The following WWC2 variants were observed in gnomAD, a reference collection of about 807,000 sequenced individuals.
The protein encoded by WWC2 is WW and C2 domain containing 2, also known as protein WWC2.
A neutral mutation model predicts 138.5 loss-of-function variants in WWC2; 101 were observed. The observed-to-expected ratio is 0.73, with a 90% confidence interval of 0.62 to 0.86. The LOEUF (loss-of-function observed/expected upper bound fraction) is 0.86, where lower values mean the gene tolerates loss of function less well. Ranked by LOEUF, WWC2 falls within the 40% of genes least tolerant of loss-of-function variation. WWC2 has a pLI of 0.00. For missense variants in WWC2, 1,420 were observed against 1,419.4 expected (o/e 1.00, Z -0.01); for synonymous variants, 558 against 538.4 (o/e 1.04, Z -0.50).
intron 1 of WWC2, among the ~76,000 whole-genome samples, chr4:183,172,557 T>G (rs922754036): frequency 1.7e-3 from 144 of 85,206 alleles, no homozygotes; most frequent in African/African-American, 4.7e-3. Flanking sequence ...ATGTTTCTTG[T>G]TTTTTTTTTT....
At chr4:183,264,782 A>G (rs961865222) in intron 11 of WWC2, among the ~76,000 whole-genome samples, 196 bp from the exon 12 acceptor site, 11 of 152,224 alleles carry the variant, frequency 7.2e-5, no homozygotes, top group African/African-American at 2.7e-4. Flanking sequence ...TAATGACTGA[A>G]AAAACTGGCG....
chr4:183,130,406 T>A (rs1275558059), intron 1 of WWC2, among the ~76,000 whole-genome samples: 1 of 152,226 alleles, frequency 6.6e-6, no homozygotes. Flanking sequence ...GTTTTTATGC[T>A]AAACAAAAGG....
At chr4:183,165,777 T>C (rs564212193) in intron 1 of WWC2, among the ~76,000 whole-genome samples, 72 of 152,324 alleles carry the variant, frequency 4.7e-4, no homozygotes, top group African/African-American at 1.7e-3. Context: ...ATCCAAATCT[T>C]ACATTGTGGA....
intron 22 of WWC2, among the ~76,000 whole-genome samples, chr4:183,314,266 G>A (rs1739360906): frequency 6.6e-6 from 1 of 152,170 alleles, no homozygotes; most frequent in Non-Finnish European, 1.5e-5. Flanking sequence ...GGTGAGGGGA[G>A]CCCATCCATG....
intron 21 of WWC2, among the ~76,000 whole-genome samples, chr4:183,306,269 A>G (rs946417883): frequency 1.3e-5 from 2 of 152,240 alleles, no homozygotes; most frequent in African/African-American, 4.8e-5. Context: ...ATTGGTAGAT[A>G]TTATTCCAGC....
At chr4:183,142,720 T>C (rs1174668000) in intron 1 of WWC2, among the ~76,000 whole-genome samples, 3 of 152,226 alleles carry the variant, frequency 2.0e-5, no homozygotes, top group African/African-American at 7.2e-5. Context: ...GGCACACTCC[T>C]GGCTTGCACC....
At chr4:183,211,402 A>C (rs1307233958) in intron 4 of WWC2, among the ~76,000 whole-genome samples, 1 of 152,180 alleles carries the variant, frequency 6.6e-6, no homozygotes, top group African/African-American at 2.4e-5. Flanking sequence ...CTGCACATTA[A>C]TGTGTAATTT....
At chr4:183,300,910 A>G (rs1738814414) in intron 21 of WWC2, among the ~76,000 whole-genome samples, 1 of 152,176 alleles carries the variant, frequency 6.6e-6, no homozygotes, top group Non-Finnish European at 1.5e-5. Context: ...TTCCTGTGGA[A>G]GGTGGCAAAG....
intron 15 of WWC2, chr4:183,269,617 C>T (rs757786356): frequency 1.2e-5 from 5 of 401,774 alleles, no homozygotes; most frequent in Admixed American, 3.0e-5. Flanking sequence ...ATATATTCAA[C>T]GGTCATACAA....
At chr4:183,193,800 G>C in intron 2 of WWC2, 92 bp downstream of exon 2, 1 of 1,134,434 alleles carries the variant, frequency 8.8e-7, no homozygotes, top group Non-Finnish European at 1.3e-6. Context: ...GTTACAAAGT[G>C]AATTTCCAAA....
rs544381198 is a variant in WWC2 at position 183,124,476 on chromosome 4, C to T, written c.131+24854C>T. ...TTGATACAAATGACTCTTTCTAATT[C>T]GGTACTTTATGCTTTTGTTTTTAGT... is the stretch of plus-strand genomic sequence containing the variant. On this transcript the variant is annotated intron_variant, in intron 1 of 22. Transcript: ENST00000403733. 2.6e-4 allele frequency among the ~76,000 whole-genome samples: 39 copies of T among 149,090 alleles called. No homozygotes were observed. In the South Asian group the frequency reaches 7.1e-3, roughly 27 times the overall value.
intron 4 of WWC2, among the ~76,000 whole-genome samples, chr4:183,233,184 C>CTTGCTCTTG (rs1347646974): frequency 1.3e-5 from 1 of 75,388 alleles, no homozygotes; most frequent in Non-Finnish European, 2.3e-5. Flanking sequence ...TGAGAGAAGT[C>CTTGCTCTTG]TTGCTCTTGT....
intron 5 of WWC2, among the ~76,000 whole-genome samples, chr4:183,241,935 C>T (rs549528400): frequency 3.9e-5 from 6 of 152,240 alleles, no homozygotes; most frequent in South Asian, 4.2e-4. Context: ...TGTAACAATG[C>T]TGTATTGTTT....
At chr4:183,237,788 G>A (rs747498259) in intron 4 of WWC2, among the ~76,000 whole-genome samples, 27 of 152,082 alleles carry the variant, frequency 1.8e-4, no homozygotes, top group Non-Finnish European at 2.9e-4. Flanking sequence ...GTATTACACC[G>A]CTCTTGTCTT....
intron 21 of WWC2, among the ~76,000 whole-genome samples, chr4:183,298,044 A>G (rs1380410323): frequency 2.0e-5 from 3 of 152,216 alleles, no homozygotes; most frequent in African/African-American, 7.2e-5. Flanking sequence ...TGATGACTGC[A>G]AGGGCATTTG....
chr4:183,156,918 A>G (rs1733822778), intron 1 of WWC2, among the ~76,000 whole-genome samples: 1 of 152,078 alleles, frequency 6.6e-6, no homozygotes, highest in South Asian at 2.1e-4. Flanking sequence ...TTATACACAC[A>G]CATACATCTC....
intron 2 of WWC2, among the ~76,000 whole-genome samples, chr4:183,200,377 TAAG>T (rs1235612635): frequency 6.6e-6 from 1 of 152,356 alleles, no homozygotes; most frequent in Non-Finnish European, 1.5e-5. Flanking sequence ...TATTATAACT[TAAG>T]AACATTTCAG....
chr4:183,161,818 C>T (rs992821863), intron 1 of WWC2, among the ~76,000 whole-genome samples: 2 of 152,094 alleles, frequency 1.3e-5, no homozygotes, highest in South Asian at 4.2e-4. Flanking sequence ...CTATGAGGTC[C>T]GCACAATGAA....
intron 1 of WWC2, among the ~76,000 whole-genome samples, chr4:183,111,521 T>C (rs1732231986): frequency 6.6e-6 from 1 of 152,134 alleles, no homozygotes. Context: ...TGACAGTGAA[T>C]GAATGTGTGG....
Sources: allele counts gnomAD v4.1 joint callset (sites outside exome capture counted in the v4.1 genomes callset), GRCh38; gene constraint gnomAD v4.1.1; transcripts MANE v1.5; gene names NCBI Gene and HGNC (gene_info 2026-07-23, HGNC 2026-07-21).